The following ME3 variants were observed in gnomAD, a reference collection of about 807,000 sequenced individuals.
ME3 encodes the protein NADP-dependent malic enzyme, mitochondrial.
In ME3, 48 loss-of-function variants were observed where a neutral mutation model predicts 68.9. The ratio of observed to expected loss-of-function variants is 0.70; its 90% CI spans 0.55 to 0.89. ME3 has a LOEUF of 0.89. ME3 is among the 40% of genes least tolerant of loss of function. ME3 has a pLI of 0.00. For missense variants in ME3, 675 were observed against 797.4 expected, an observed-to-expected ratio of 0.85 and a Z score of 1.85; for synonymous variants, 320 against 318.8, an observed-to-expected ratio of 1.00 and a Z score of -0.04.
chr11:86,544,332 C>CA (rs1054542015), intron 4 of ME3, among the ~76,000 whole-genome samples: 40 of 151,558 alleles, frequency 2.6e-4, no homozygotes, highest in African/African-American at 7.5e-4. Context: ...GATAGAGACA[C>CA]AAAAAAAATT....
At chr11:86,610,415 G>C (rs1942476573) in intron 2 of ME3, among the ~76,000 whole-genome samples, 1 of 152,110 alleles carries the variant, frequency 6.6e-6, no homozygotes, top group East Asian at 1.9e-4. Flanking sequence ...ATGGAGAAAG[G>C]GGCATTTAAG....
chr11:86,454,420 AT>A (rs1949805000), intron 8 of ME3, among the ~76,000 whole-genome samples: 1 of 152,232 alleles, frequency 6.6e-6, no homozygotes, highest in Non-Finnish European at 1.5e-5. Context: ...AGGAGTAATG[AT>A]TAAGTAAAGT....
chr11:86,636,825 A>C (rs759029838), intron 2 of ME3, among the ~76,000 whole-genome samples: 4 of 152,230 alleles, frequency 2.6e-5, no homozygotes, highest in Non-Finnish European at 5.9e-5. Context: ...AGCAAGATAC[A>C]TGAAGGTGTT....
chr11:86,487,239 A>T, intron 7 of ME3, 98 bp downstream of exon 7: 1 of 964,802 alleles, frequency 1.0e-6, no homozygotes, highest in Non-Finnish European at 1.6e-6. Context: ...GCATGCATCT[A>T]CTGCCTTTAC....
At position 86,633,341 on chromosome 11, in the gene ME3, T is replaced by C. The variant is rs185529508; in HGVS notation, c.183+38421A>G. ...TACAGCCACATGAGGGGTGCTATTA[T>C]TAACCCTATTTTGTAGATCAGGAAA... On this transcript the variant is annotated intron_variant, in intron 2 of 14. Coordinates refer to ENST00000543262, the Ensembl canonical transcript of ME3. Among the ~76,000 whole-genome samples the C allele has an allele frequency of 1.6e-3, 243 of 152,342 alleles. 1 individual carries two copies. The highest frequency in any genetic ancestry group is 5.7e-3 in the African/African-American group (236 of 41,590).
intron 4 of ME3, among the ~76,000 whole-genome samples, chr11:86,544,754 T>C (rs1956262203): frequency 6.6e-6 from 1 of 152,146 alleles, no homozygotes; most frequent in East Asian, 1.9e-4. Context: ...TACCATTCCT[T>C]CTGAAACTAT....
At chr11:86,437,114 A>G (rs1302933506), downstream of ME3, 1 of 152,088 alleles carries the variant, frequency 6.6e-6, no homozygotes, top group Non-Finnish European at 1.5e-5. Flanking sequence ...GAGATTCCAC[A>G]TTCTTTGTTC....
chr11:86,447,296 A>G, intron 11 of ME3, 89 bp from the exon 12 acceptor site: 4 of 1,514,562 alleles, frequency 2.6e-6, no homozygotes, highest in Non-Finnish European at 3.6e-6. Context: ...AACTAGGAAT[A>G]CCATGAAAGA....
At chr11:86,531,814 CG>C (rs1365237412) in intron 4 of ME3, among the ~76,000 whole-genome samples, 2 of 97,756 alleles carry the variant, frequency 2.0e-5, no homozygotes, top group Non-Finnish European at 3.8e-5. Flanking sequence ...CATCACACAC[CG>C]GGGCCTATTT....
rs1946981064 is a variant in ME3, at chr11:86,671,975, A to G, written c.-14-17T>C. On this transcript the variant is annotated splice_polypyrimidine_tract_variant and intron_variant, in intron 1 of 14. Transcript: ENST00000543262. The stretch of plus-strand genomic sequence containing the variant: ...TTGGCAGACCTGGCACGGGAGAGAA[A>G]GCAAGGTCAGGGCCTCCTTCCAGCC... 3 of 1,381,546 alleles carry G rather than the reference A, an allele frequency of 2.2e-6. No individual in the cohort carries two copies. The highest frequency in any genetic ancestry group is 2.8e-6 in the Non-Finnish European group (3 of 1,075,130). 85.6% of individuals were successfully genotyped at this position (1,381,546 alleles called of 1,614,324 possible).
rs566992770 is a variant in ME3, at chr11:86,510,479, T to C, written c.468-1612A>G. On this transcript the variant is annotated intron_variant, in intron 4 of 14. Transcript: ENST00000543262. ...ACTATGCCACTTTTTTTCTTACTCT[T>C]ATTCTTTCTATTTGTGATCTTATAA... is the stretch of plus-strand genomic sequence containing the variant. Among the ~76,000 whole-genome samples, 6 of 152,354 alleles carry C rather than the reference T, an allele frequency of 3.9e-5. No homozygotes were observed. The East Asian group carries it at 1.2e-3, about 29-fold the overall frequency.
At chr11:86,651,056 C>T (rs570304284) in intron 2 of ME3, among the ~76,000 whole-genome samples, 55 of 152,330 alleles carry the variant, frequency 3.6e-4, no homozygotes, top group African/African-American at 9.1e-4. Flanking sequence ...GAGGGGCACC[C>T]GCCATTGCTG....
intron 6 of ME3, among the ~76,000 whole-genome samples, chr11:86,492,156 TTTTTC>T (rs1205958072): frequency 6.6e-6 from 1 of 152,194 alleles, no homozygotes; most frequent in African/African-American, 2.4e-5. Flanking sequence ...GTATTTAACT[TTTTTC>T]TGCTCTCTGT....
intron 2 of ME3, among the ~76,000 whole-genome samples, chr11:86,647,114 C>T (rs751005018): frequency 2.0e-5 from 3 of 152,106 alleles, no homozygotes; most frequent in African/African-American, 2.4e-5. Flanking sequence ...AAAGTAAAGA[C>T]GATTGACACT....
intron 2 of ME3, among the ~76,000 whole-genome samples, chr11:86,594,153 T>A (rs1218722227): frequency 6.8e-6 from 1 of 147,076 alleles, no homozygotes; most frequent in African/African-American, 2.5e-5. Flanking sequence ...TTTAAGTATC[T>A]GTACGCATAC....
At chr11:86,434,959 T>C in the ME3 span, 68,643 of 152,010 alleles carry the variant, frequency 0.45, 15,822 homozygotes, top group Middle Eastern at 0.5. Flanking sequence ...GTTTTATTGT[T>C]CCTCTTTCAG....
At chr11:86,487,529 A>C in intron 6 of ME3, 89 bp from the exon 7 acceptor site, 4 of 1,049,458 alleles carry the variant, frequency 3.8e-6, no homozygotes, top group African/African-American at 1.6e-5. Context: ...ATTAGGAAGA[A>C]CCAGAAGGTG....
rs970943729 is a variant in ME3, at chr11:86,627,022, G to A, written c.183+44740C>T. Among the ~76,000 whole-genome samples the A allele has an allele frequency of 3.3e-5, 5 of 152,298 alleles. No individual in the cohort carries two copies. In the South Asian group the frequency reaches 8.3e-4, roughly 25 times the overall value. ...AATTTAGAGGTGGAGAGAGGGAGAA[G>A]GGTTTTCCAAAAGAGGAAAGTAGGT... On this transcript the variant is annotated intron_variant, in intron 2 of 14. Transcript: ENST00000543262.
intron 8 of ME3, chr11:86,457,586 AACCT>A: frequency 8.4e-7 from 1 of 1,190,928 alleles, no homozygotes; most frequent in Non-Finnish European, 1.1e-6. Context: ...CTCCATCATT[AACCT>A]GCATTTTTGG....
Sources: gnomAD v4.1 joint callset for allele counts (sites outside exome capture counted in the v4.1 genomes callset) on GRCh38, gnomAD v4.1.1 for gene constraint, MANE v1.5 for transcripts, NCBI Gene and HGNC (gene_info 2026-07-23, HGNC 2026-07-21) for gene names.